ZBTB7C: variants seen among roughly 807,000 people sequenced by gnomAD.
The protein encoded by ZBTB7C is zinc finger and BTB domain-containing protein 7C.
In ZBTB7C, 8 loss-of-function variants were observed where a neutral mutation model predicts 25.7. The ratio of observed to expected loss-of-function variants is 0.31; its 90% confidence interval spans 0.18 to 0.56. The LOEUF (loss-of-function observed/expected upper bound fraction) is 0.56, where lower values mean the gene tolerates loss of function less well. ZBTB7C is among the 20% of genes least tolerant of loss of function. ZBTB7C has a pLI of 0.91. For missense variants in ZBTB7C, 824 were observed against 855.2 expected (o/e 0.96, Z 0.46); for synonymous variants, 394 against 369.0 (o/e 1.07, Z -0.78).
At chr18:48,150,377 T>C (rs8084427) in intron 3 of ZBTB7C, 13,911 of 151,742 alleles carry the variant, frequency 0.092, 664 homozygotes, top group African/African-American at 0.13. Flanking sequence ...AGGTCAGGAG[T>C]TCGTGACCAG....
chr18:48,311,731 G>A (rs1598844160), intron 2 of ZBTB7C, among the ~76,000 whole-genome samples: 1 of 152,164 alleles, frequency 6.6e-6, no homozygotes, highest in African/African-American at 2.4e-5. Flanking sequence ...ACCATTGGGG[G>A]TCCCAAGGGC....
intron 2 of ZBTB7C, among the ~76,000 whole-genome samples, chr18:48,222,105 C>A (rs898853551): frequency 6.6e-6 from 1 of 151,980 alleles, no homozygotes; most frequent in South Asian, 2.1e-4. Flanking sequence ...CTGTACTGTC[C>A]TAATCTCCCC....
intron 2 of ZBTB7C, among the ~76,000 whole-genome samples, chr18:48,312,316 G>A (rs75024736): frequency 0.019 from 2,843 of 152,180 alleles, 90 homozygotes; most frequent in African/African-American, 0.062. Flanking sequence ...TACCTACCCC[G>A]AACCCCAGAA....
At chr18:48,274,626 C>T (rs918239022) in intron 2 of ZBTB7C, among the ~76,000 whole-genome samples, 1 of 152,226 alleles carries the variant, frequency 6.6e-6, no homozygotes, top group African/African-American at 2.4e-5. Context: ...TCACACCTGA[C>T]TCATCCCCTT....
chr18:48,281,506 T>C (rs962605929), intron 2 of ZBTB7C, among the ~76,000 whole-genome samples: 1 of 152,108 alleles, frequency 6.6e-6, no homozygotes, highest in Non-Finnish European at 1.5e-5. Context: ...AAGAAACTAC[T>C]ATCAGAGTGA....
intron 1 of ZBTB7C, among the ~76,000 whole-genome samples, chr18:48,368,826 A>T (rs1035929042): frequency 4.2e-4 from 11 of 26,256 alleles, no homozygotes; most frequent in African/African-American, 2.0e-3. Context: ...TCCAGTGAAA[A>T]GACCCTTCTG....
At chr18:48,161,832 C>A (rs1598999877) in intron 3 of ZBTB7C, among the ~76,000 whole-genome samples, 1 of 151,824 alleles carries the variant, frequency 6.6e-6, no homozygotes, top group Admixed American at 6.5e-5. Context: ...CCTGCGGGAG[C>A]CATCGCCCTC....
chr18:48,133,927 T>G (rs556507687), intron 3 of ZBTB7C, among the ~76,000 whole-genome samples: 1 of 152,238 alleles, frequency 6.6e-6, no homozygotes, highest in Admixed American at 6.5e-5. Context: ...AACATCCCCA[T>G]GCAATTATAC....
At chr18:48,136,385 G>T (rs9951415) in intron 3 of ZBTB7C, among the ~76,000 whole-genome samples, 101,959 of 152,020 alleles carry the variant, frequency 0.67, 34,355 homozygotes, top group Admixed American at 0.74. Flanking sequence ...CTCAGCGCGC[G>T]ATTTGAGCCC....
chr18:48,131,366 A>C (rs2039979994), intron 3 of ZBTB7C, among the ~76,000 whole-genome samples: 1 of 152,222 alleles, frequency 6.6e-6, no homozygotes, highest in Non-Finnish European at 1.5e-5. Flanking sequence ...AACTTCCAAG[A>C]AGCACTGGAA....
At position 48,319,342 on chromosome 18, in the gene ZBTB7C, A is replaced by T. The variant is rs1200980771; in HGVS notation, c.-79+18832T>A. On this transcript the variant is annotated intron_variant, in intron 2 of 4. Transcript: ENST00000590800. ...AGCCATATGGGTGTGATCCTGGGCC[A>T]GCTGCTTACCTTTTCTGTCTCAGTT... Among the ~76,000 whole-genome samples, 6 of 152,198 alleles carry T rather than the reference A, an allele frequency of 3.9e-5. No individual in the cohort carries two copies. The East Asian group carries it at 9.6e-4, about 24-fold the overall frequency.
At chr18:48,397,381 G>A (rs770154344) in intron 1 of ZBTB7C, among the ~76,000 whole-genome samples, 3 of 152,094 alleles carry the variant, frequency 2.0e-5, no homozygotes, top group Non-Finnish European at 4.4e-5. Flanking sequence ...TTGTACAGGC[G>A]GTTCCCCACC....
At chr18:48,222,545 T>G (rs1363991791) in intron 2 of ZBTB7C, among the ~76,000 whole-genome samples, 1 of 152,152 alleles carries the variant, frequency 6.6e-6, no homozygotes, top group Admixed American at 6.5e-5. Context: ...TCCACATTCA[T>G]CGATTGAGAA....
intron 1 of ZBTB7C, among the ~76,000 whole-genome samples, chr18:48,391,751 T>G (rs1315032083): frequency 6.6e-6 from 1 of 152,132 alleles, no homozygotes; most frequent in African/African-American, 2.4e-5. Flanking sequence ...GTGGTCTGGG[T>G]AGGGTGGGAC....
intron 2 of ZBTB7C, among the ~76,000 whole-genome samples, chr18:48,199,530 G>A (rs530011932): frequency 7.2e-5 from 11 of 151,986 alleles, no homozygotes; most frequent in Admixed American, 6.5e-5. Flanking sequence ...TTATCTCTCT[G>A]AGGACATCAA....
intron 3 of ZBTB7C, among the ~76,000 whole-genome samples, chr18:48,120,558 C>T (rs534109560): frequency 3.3e-5 from 5 of 151,984 alleles, no homozygotes; most frequent in East Asian, 1.9e-4. Flanking sequence ...TGCAGTGAGC[C>T]GAGATCACGC....
chr18:48,354,289 A>G (rs2046927673), intron 1 of ZBTB7C, among the ~76,000 whole-genome samples: 1 of 152,144 alleles, frequency 6.6e-6, no homozygotes, highest in African/African-American at 2.4e-5. Flanking sequence ...CCTCCAGAGT[A>G]GCTGGGATGA....
chr18:48,373,076 G>C (rs914992079), intron 1 of ZBTB7C, among the ~76,000 whole-genome samples: 1 of 152,186 alleles, frequency 6.6e-6, no homozygotes, highest in Non-Finnish European at 1.5e-5. Context: ...CAAGAACAGT[G>C]TTTTCCTCCT....
intron 1 of ZBTB7C, among the ~76,000 whole-genome samples, chr18:48,363,614 G>A (rs2047160284): frequency 6.6e-6 from 1 of 152,190 alleles, no homozygotes; most frequent in Admixed American, 6.5e-5. Flanking sequence ...TGACTGAGGA[G>A]CCAATATGAT....
Sources: gnomAD v4.1 joint callset for allele counts (sites outside exome capture counted in the v4.1 genomes callset) on GRCh38, gnomAD v4.1.1 for gene constraint, MANE v1.5 for transcripts, NCBI Gene and HGNC (gene_info 2026-07-23, HGNC 2026-07-21) for gene names.